KAZN: variants seen among roughly 807,000 people sequenced by gnomAD.
The protein encoded by KAZN is kazrin.
In KAZN, 40 loss-of-function variants were observed where a neutral mutation model predicts 87.4. The ratio of observed to expected loss-of-function variants is 0.46; its 90% CI spans 0.36 to 0.60. KAZN has a LOEUF of 0.60. KAZN is among the 20% of genes least tolerant of loss of function. The probability of loss-of-function intolerance (pLI) is 0.00; values close to 1 mark genes in which losing one functional copy is unlikely to be tolerated. For synonymous variants in KAZN, 466 were observed against 458.3 expected (o/e 1.02, Z -0.22); for missense variants, 898 against 1,073.9 (o/e 0.84, Z 2.29).
At chr1:14,514,353 TTA>T (rs1296452709) in intron 2 of KAZN, among the ~76,000 whole-genome samples, 7 of 18,808 alleles carry the variant, frequency 3.7e-4, no homozygotes, top group African/African-American at 1.8e-3. Context: ...TTTATATATA[TTA>T]TATATATATT....
At chr1:14,405,606 A>ATATGTGTGTGTGTGTGTG (rs760881462) in intron 2 of KAZN, among the ~76,000 whole-genome samples, 2 of 136,220 alleles carry the variant, frequency 1.5e-5, no homozygotes, top group African/African-American at 5.3e-5. Flanking sequence ...ACCCAATAAA[A>ATATGTGTGTGTGTGTGTG]TGTGTGTGTG....
intron 1 of KAZN, among the ~76,000 whole-genome samples, chr1:14,161,721 T>C (rs888451311): frequency 6.6e-6 from 1 of 152,226 alleles, no homozygotes; most frequent in African/African-American, 2.4e-5. Flanking sequence ...AATCTAGCTA[T>C]AATTGTCCAT....
intron 2 of KAZN, among the ~76,000 whole-genome samples, chr1:14,552,292 G>T (rs1295366467): frequency 2.0e-5 from 3 of 152,210 alleles, no homozygotes; most frequent in African/African-American, 4.8e-5. Flanking sequence ...GTTACAGAAA[G>T]ATCCGGCTAG....
chr1:15,050,078 GAGTAC>G (rs1213564525), intron 4 of KAZN, among the ~76,000 whole-genome samples: 7,003 of 141,946 alleles, frequency 0.049, 342 homozygotes, highest in African/African-American at 0.12. Flanking sequence ...GAGTAGAGTA[GAGTAC>G]AGTAGAGTAC....
At chr1:14,396,397 G>A (rs551808737) in intron 2 of KAZN, among the ~76,000 whole-genome samples, 6 of 152,252 alleles carry the variant, frequency 3.9e-5, no homozygotes, top group South Asian at 4.1e-4. Context: ...ACTATGACCC[G>A]TGGCTTAGAC....
chr1:13,999,213 G>A (rs1374282349), intron 1 of KAZN, among the ~76,000 whole-genome samples: 1 of 152,126 alleles, frequency 6.6e-6, no homozygotes, highest in Admixed American at 6.5e-5. Flanking sequence ...GCTGGGTGTG[G>A]TGGTGTGCAC....
intron 1 of KAZN, among the ~76,000 whole-genome samples, chr1:14,789,488 C>G (rs1645608059): frequency 6.6e-6 from 1 of 152,162 alleles, no homozygotes; most frequent in African/African-American, 2.4e-5. Flanking sequence ...TGGTGCCTCT[C>G]ACCTGAACCA....
chr1:13,927,217 C>T (rs890062110), intron 1 of KAZN, among the ~76,000 whole-genome samples: 1 of 152,286 alleles, frequency 6.6e-6, no homozygotes, highest in African/African-American at 2.4e-5. Flanking sequence ...ATCAAGGTGC[C>T]TGTGTCTTCC....
intron 1 of KAZN, among the ~76,000 whole-genome samples, chr1:14,662,860 T>C (rs1188629430): frequency 6.7e-6 from 1 of 148,872 alleles, no homozygotes; most frequent in African/African-American, 2.5e-5. Context: ...TTTTCATCCA[T>C]TATTGCCAAT....
chr1:14,897,255 C>A (rs1655377122), intron 1 of KAZN, among the ~76,000 whole-genome samples: 1 of 152,140 alleles, frequency 6.6e-6, no homozygotes, highest in African/African-American at 2.4e-5. Context: ...ACCACTCCAC[C>A]CATTGGTGCA....
At chr1:14,568,461 G>A (rs1035540147) in intron 2 of KAZN, among the ~76,000 whole-genome samples, 4 of 152,224 alleles carry the variant, frequency 2.6e-5, no homozygotes, top group African/African-American at 9.6e-5. Flanking sequence ...CACAATCATG[G>A]TGGAAGGTGA....
At chr1:14,884,122 G>C (rs555753981) in intron 1 of KAZN, among the ~76,000 whole-genome samples, 2 of 152,098 alleles carry the variant, frequency 1.3e-5, no homozygotes, top group African/African-American at 4.8e-5. Context: ...GGCCGGGCGC[G>C]GGGGCTCACA....
At chr1:14,544,350 C>CTTTTTTTTTTTTTTT (rs374148415) in intron 2 of KAZN, among the ~76,000 whole-genome samples, 48 of 98,128 alleles carry the variant, frequency 4.9e-4, no homozygotes, top group Non-Finnish European at 6.7e-4. Context: ...TTCTTTCTTT[C>CTTTTTTTTTTTTTTT]TTTTTTTTTT....
chr1:14,217,439 A>G (rs533108507), intron 2 of KAZN, among the ~76,000 whole-genome samples: 7 of 152,238 alleles, frequency 4.6e-5, no homozygotes, highest in Non-Finnish European at 7.4e-5. Flanking sequence ...AGAAAATGTC[A>G]CATGATGTGG....
intron 2 of KAZN, among the ~76,000 whole-genome samples, chr1:14,488,797 C>G (rs1167273014): frequency 6.6e-6 from 1 of 152,196 alleles, no homozygotes; most frequent in African/African-American, 2.4e-5. Flanking sequence ...CGTTAGCCCT[C>G]TCCATCTGCC....
chr1:14,806,345 G>A (rs1646221735), intron 1 of KAZN, among the ~76,000 whole-genome samples: 1 of 152,208 alleles, frequency 6.6e-6, no homozygotes, highest in South Asian at 2.1e-4. Flanking sequence ...GTCAGTCCAT[G>A]GCCTGCCGTG....
At chr1:13,964,516 A>T (rs1641871405) in intron 1 of KAZN, among the ~76,000 whole-genome samples, 1 of 152,122 alleles carries the variant, frequency 6.6e-6, no homozygotes, top group Non-Finnish European at 1.5e-5. Flanking sequence ...GACTGTGCTC[A>T]TTCATGTGTC....
chr1:14,626,654 A>G (rs932416579), intron 1 of KAZN, among the ~76,000 whole-genome samples: 16 of 150,834 alleles, frequency 1.1e-4, no homozygotes, highest in Non-Finnish European at 2.1e-4. Flanking sequence ...TCTGAACACC[A>G]CCTCGGTGGT....
intron 1 of KAZN, among the ~76,000 whole-genome samples, chr1:14,604,344 T>C (rs550830227): frequency 4.6e-5 from 7 of 152,212 alleles, no homozygotes; most frequent in Non-Finnish European, 1.0e-4. Context: ...TGACGATTCA[T>C]AGCAGCTAAG....
Sources: gnomAD v4.1 joint callset for allele counts (sites outside exome capture counted in the v4.1 genomes callset) on GRCh38, gnomAD v4.1.1 for gene constraint, MANE v1.5 for transcripts, NCBI Gene and HGNC (gene_info 2026-07-23, HGNC 2026-07-21) for gene names.